Variants in PTPRE observed in about 807,000 individuals in gnomAD.
The protein encoded by PTPRE is receptor-type tyrosine-protein phosphatase epsilon.
A neutral mutation model predicts 102.0 loss-of-function variants in PTPRE; 51 were observed. The ratio of observed to expected loss-of-function variants is 0.50; its 90% CI spans 0.40 to 0.63. The LOEUF is 0.63. PTPRE is among the 30% of genes least tolerant of loss of function. PTPRE has a pLI of 0.00. For missense variants in PTPRE, 752 were observed against 915.1 expected (o/e 0.82, Z 2.30); for synonymous variants, 345 against 348.2 (o/e 0.99, Z 0.10).
At chr10:127,949,780 G>A (rs1388140460) in intron 1 of PTPRE, among the ~76,000 whole-genome samples, 2 of 152,110 alleles carry the variant, frequency 1.3e-5, no homozygotes, top group African/African-American at 4.8e-5. Flanking sequence ...TTTGTCCCTC[G>A]ATTGACTGAA....
chr10:127,944,322 T>C lies in PTPRE; in HGVS notation c.-31+37013T>C, dbSNP rs940210185. Reference sequence around the variant, plus strand: ...CTGGGAGGTACTTGATAAATATTGATTGAATGGCTAAATGGTGGGTGGGTG... The same window carrying C: ...CTGGGAGGTACTTGATAAATATTGACTGAATGGCTAAATGGTGGGTGGGTG... On this transcript the variant is annotated intron_variant, in intron 1 of 20. Coordinates refer to ENST00000254667, the MANE Select transcript of PTPRE (RefSeq NM_006504.6). The surrounding 1 kb of genome is among the most constrained non-coding windows in gnomAD (Gnocchi z 4.2). Among the ~76,000 whole-genome samples the C allele has an allele frequency of 1.3e-5, 2 of 151,786 alleles. No homozygotes were observed. Among genetic ancestry groups the C allele is most frequent in the African/African-American group, 4.8e-5 (2 of 41,336 alleles).
In PTPRE at chr10:127,927,095, C is replaced by T. The variant is rs193141613; in HGVS notation, c.-31+19786C>T. On this transcript the variant is annotated intron_variant, in intron 1 of 20. Coordinates refer to ENST00000254667, the MANE Select transcript of PTPRE (RefSeq NM_006504.6). Reference sequence around the variant, plus strand: ...AAAGTCCTAGGATTACAAGCATGAGCCACTGCGCCAGGTCTCTCTTAATCC... The same window carrying T: ...AAAGTCCTAGGATTACAAGCATGAGTCACTGCGCCAGGTCTCTCTTAATCC... 3.9e-5 allele frequency among the ~76,000 whole-genome samples: 6 copies of T among 152,178 alleles called. No individual in the cohort carries two copies. In the East Asian group the frequency reaches 1.2e-3, roughly 29 times the overall value.
intron 17 of PTPRE, among the ~76,000 whole-genome samples, chr10:128,074,633 C>T (rs1018160394): frequency 2.0e-5 from 3 of 151,498 alleles, no homozygotes; most frequent in South Asian, 2.1e-4. Flanking sequence ...CGCCATTGCA[C>T]TCCAGCCTGG....
At chr10:128,023,441 A>G (rs1481919174) in intron 2 of PTPRE, among the ~76,000 whole-genome samples, 1 of 152,014 alleles carries the variant, frequency 6.6e-6, no homozygotes, top group East Asian at 1.9e-4. Context: ...AAAATAGGTG[A>G]GTAGAGTACA....
In PTPRE at chr10:128,080,462, C is replaced by T. The variant is rs572316813; in HGVS notation, c.2028+767C>T. On this transcript the variant is annotated intron_variant, in intron 20 of 20. Transcript: ENST00000254667. The stretch of plus-strand genomic sequence containing the variant: ...CCCTCACAGCAAGGCGCAGCAGGAG[C>T]GAGGACACCTGAGCTGAGGGCGGGT... Among the ~76,000 whole-genome samples the T allele has an allele frequency of 1.4e-4, 21 of 152,322 alleles. No individual in the cohort carries two copies. The South Asian group carries it at 3.5e-3, about 26-fold the overall frequency.
chr10:128,035,243 CA>C (rs1406899422), intron 2 of PTPRE, among the ~76,000 whole-genome samples: 2 of 151,460 alleles, frequency 1.3e-5, no homozygotes, highest in Non-Finnish European at 2.9e-5. Context: ...CCTGGGCATC[CA>C]AAAAAAGTTT....
intron 16 of PTPRE, chr10:128,072,457 A>G (rs1850856019): frequency 5.3e-6 from 2 of 377,178 alleles, no homozygotes; most frequent in Non-Finnish European, 9.5e-6. Flanking sequence ...GTTTGAAACT[A>G]GCCTGGCCAA....
intron 1 of PTPRE, chr10:127,934,211 G>A (rs1847660470): frequency 1.3e-5 from 2 of 152,122 alleles, no homozygotes; most frequent in South Asian, 4.1e-4. Flanking sequence ...GTTCACTGAG[G>A]TTGCAGAGCA....
At chr10:128,025,254 T>A (rs1590052452) in intron 2 of PTPRE, among the ~76,000 whole-genome samples, 1 of 152,196 alleles carries the variant, frequency 6.6e-6, no homozygotes, top group Non-Finnish European at 1.5e-5. Flanking sequence ...TTTAAATTCT[T>A]TTATGACAAA....
At chr10:127,979,976 T>TCC (rs1222302278) in intron 1 of PTPRE, among the ~76,000 whole-genome samples, 2 of 152,222 alleles carry the variant, frequency 1.3e-5, no homozygotes, top group Non-Finnish European at 2.9e-5. Context: ...CCTGGCTTCT[T>TCC]CCCTTGCTTG....
intron 1 of PTPRE, among the ~76,000 whole-genome samples, chr10:127,914,131 AC>A (rs1846044433): frequency 6.6e-6 from 1 of 150,924 alleles, no homozygotes. Context: ...AGAATGTGGC[AC>A]CCCCCACCCA....
chr10:127,985,555 G>C (rs974514613), intron 2 of PTPRE, among the ~76,000 whole-genome samples: 4 of 152,114 alleles, frequency 2.6e-5, no homozygotes, highest in Non-Finnish European at 5.9e-5. Flanking sequence ...CTGCACTCCA[G>C]CCTCCATGAC....
chr10:127,966,100 C>A (rs1360306262), intron 1 of PTPRE, among the ~76,000 whole-genome samples: 4 of 151,980 alleles, frequency 2.6e-5, no homozygotes, highest in Non-Finnish European at 5.9e-5. Context: ...CACTAAGCCT[C>A]AGGGCAACCC....
At chr10:128,016,317 T>C (rs11016013) in intron 2 of PTPRE, among the ~76,000 whole-genome samples, 8,965 of 152,178 alleles carry the variant, frequency 0.059, 396 homozygotes, top group Middle Eastern at 0.12. Context: ...CGGGACCCAA[T>C]TTGCAGCTTC....
At chr10:127,941,060 A>G (rs1022245362) in intron 1 of PTPRE, among the ~76,000 whole-genome samples, 5 of 152,196 alleles carry the variant, frequency 3.3e-5, no homozygotes, top group Non-Finnish European at 7.3e-5. Flanking sequence ...TCCCAGATGT[A>G]CTGTGTCCTG....
chr10:127,910,952 C>T (rs767946174), intron 1 of PTPRE, among the ~76,000 whole-genome samples: 4 of 152,142 alleles, frequency 2.6e-5, no homozygotes, highest in Admixed American at 6.5e-5. Context: ...CATGGTGGTG[C>T]ACACCTGTAG....
At chr10:127,986,026 G>A (rs1296421381) in intron 2 of PTPRE, among the ~76,000 whole-genome samples, 5 of 152,114 alleles carry the variant, frequency 3.3e-5, no homozygotes, top group Admixed American at 2.0e-4. Context: ...TGGAGGCGGA[G>A]GTTGCAGCGA....
At chr10:127,987,758 G>C (rs1852220496) in intron 2 of PTPRE, among the ~76,000 whole-genome samples, 1 of 152,208 alleles carries the variant, frequency 6.6e-6, no homozygotes, top group South Asian at 2.1e-4. Context: ...CCGGCTCGAT[G>C]ACATGGGAAA....
chr10:128,035,760 G>A (rs1186427207), intron 2 of PTPRE, among the ~76,000 whole-genome samples: 5 of 152,248 alleles, frequency 3.3e-5, no homozygotes, highest in African/African-American at 9.6e-5. Flanking sequence ...GTTTGGTAGG[G>A]CCAGAGGGGT....
Sources: allele counts gnomAD v4.1 joint callset (sites outside exome capture counted in the v4.1 genomes callset), GRCh38; gene constraint gnomAD v4.1.1; non-coding constraint Gnocchi (gnomAD v3.1); transcripts MANE v1.5; gene names NCBI Gene and HGNC (gene_info 2026-07-23, HGNC 2026-07-21).